Variants in SLC16A12 observed in about 807,000 individuals in gnomAD.
SLC16A12 encodes the protein monocarboxylate transporter 12.
In SLC16A12, 17 loss-of-function variants were observed where a neutral mutation model predicts 42.4. The observed-to-expected ratio is 0.40, with a 90% confidence interval of 0.27 to 0.60. SLC16A12 has a LOEUF of 0.60. Among genes scored for constraint, SLC16A12 ranks in the 20% least tolerant of loss-of-function variants. The probability of loss-of-function intolerance (pLI) is 0.42; values close to 1 mark genes in which losing one functional copy is unlikely to be tolerated. For synonymous variants in SLC16A12, 224 were observed against 229.4 expected (o/e 0.98, Z 0.21); for missense variants, 544 against 623.0 (o/e 0.87, Z 1.35).
Position 89,517,623 on chromosome 10 carries a change from A to G in SLC16A12, c.-47+16878T>C, listed in dbSNP as rs1843276164. Among the ~76,000 whole-genome samples the G allele has an allele frequency of 2.0e-5, 3 of 152,094 alleles. No homozygotes were observed. The South Asian group carries it at 6.2e-4, about 32-fold the overall frequency. On this transcript the variant is annotated intron_variant, in intron 2 of 7. Coordinates refer to ENST00000371790, the MANE Select transcript of SLC16A12 (RefSeq NM_213606.4). ...ATTGCACCTGGCTCCAACTTTATTG[A>G]ATAGAGGAATGTCATTACTTTTTAA...
At chr10:89,537,145 GTTTTTTTT>G (rs376769096), upstream of SLC16A12, among the ~76,000 whole-genome samples, 1 of 105,648 alleles carries the variant, frequency 9.5e-6, no homozygotes, top group South Asian at 3.4e-4. Context: ...CCGTAGGTAT[GTTTTTTTT>G]TTTTTTTTTT....
At chr10:89,488,733 CT>C (rs1302740277) in intron 2 of SLC16A12, among the ~76,000 whole-genome samples, 1 of 152,212 alleles carries the variant, frequency 6.6e-6, no homozygotes, top group Non-Finnish European at 1.5e-5. Context: ...GGACCAACCC[CT>C]AACCTTGTAA....
intron 2 of SLC16A12, among the ~76,000 whole-genome samples, chr10:89,498,589 A>G (rs116456589): frequency 1.2e-3 from 190 of 152,294 alleles, no homozygotes; most frequent in African/African-American, 4.3e-3. Flanking sequence ...ATGATCAGAG[A>G]GTTTTTGCAG....
At chr10:89,542,812 T>A (rs1416508979) in intron 2 of SLC16A12, among the ~76,000 whole-genome samples, 1 of 152,210 alleles carries the variant, frequency 6.6e-6, no homozygotes, top group African/African-American at 2.4e-5. Context: ...ATTTACTTCA[T>A]CGAAATGGGA....
At chr10:89,526,246 T>C (rs1173222516) in intron 2 of SLC16A12, among the ~76,000 whole-genome samples, 1 of 151,980 alleles carries the variant, frequency 6.6e-6, no homozygotes, top group East Asian at 1.9e-4. Flanking sequence ...TTAACCAAAA[T>C]GCACATTTGG....
intron 3 of SLC16A12, among the ~76,000 whole-genome samples, chr10:89,459,086 G>A (rs1564575553): frequency 6.6e-6 from 1 of 152,156 alleles, no homozygotes; most frequent in East Asian, 1.9e-4. Context: ...TTTTCCTATG[G>A]AAGAATTTTG....
chr10:89,500,755 C>T (rs543665546), intron 2 of SLC16A12, among the ~76,000 whole-genome samples: 1 of 152,278 alleles, frequency 6.6e-6, no homozygotes, highest in South Asian at 2.1e-4. Flanking sequence ...CCACTCTCAC[C>T]ACTCCTCTTC....
At chr10:89,456,801 G>A (rs1386539315) in intron 3 of SLC16A12, among the ~76,000 whole-genome samples, 2 of 152,110 alleles carry the variant, frequency 1.3e-5, no homozygotes, top group African/African-American at 2.4e-5. Flanking sequence ...AACACAGAGT[G>A]TTTGGTTTTC....
chr10:89,531,353 AC>A (rs1306504989), intron 2 of SLC16A12, among the ~76,000 whole-genome samples: 1 of 152,136 alleles, frequency 6.6e-6, no homozygotes, highest in Non-Finnish European at 1.5e-5. Flanking sequence ...GAGTCGAAAT[AC>A]ACCACTGCAC....
chr10:89,509,083 T>C (rs1292313767), intron 2 of SLC16A12, among the ~76,000 whole-genome samples: 1 of 152,120 alleles, frequency 6.6e-6, no homozygotes, highest in Non-Finnish European at 1.5e-5. Context: ...TAACAGGCTC[T>C]GAAATTAAGG....
At chr10:89,462,023 T>C (rs974582497) in intron 3 of SLC16A12, among the ~76,000 whole-genome samples, 1 of 152,210 alleles carries the variant, frequency 6.6e-6, no homozygotes, top group African/African-American at 2.4e-5. Context: ...AGTCACAGCA[T>C]TGGCCTACAA....
chr10:89,442,322 G>C (rs1055134350), intron 4 of SLC16A12, among the ~76,000 whole-genome samples: 2 of 152,182 alleles, frequency 1.3e-5, no homozygotes, highest in African/African-American at 4.8e-5. Flanking sequence ...TATGGTAATT[G>C]TGTACAACAG....
intron 2 of SLC16A12, among the ~76,000 whole-genome samples, chr10:89,523,405 T>C (rs1843393889): frequency 6.6e-6 from 1 of 152,196 alleles, no homozygotes; most frequent in African/African-American, 2.4e-5. Context: ...CAGGCTGTTT[T>C]TGACATTATC....
intron 2 of SLC16A12, among the ~76,000 whole-genome samples, chr10:89,522,679 A>C (rs1466307140): frequency 6.6e-6 from 1 of 152,222 alleles, no homozygotes; most frequent in East Asian, 1.9e-4. Context: ...TCAGCAGTAC[A>C]GCATGATGGT....
intron 2 of SLC16A12, among the ~76,000 whole-genome samples, chr10:89,528,644 T>C (rs945795217): frequency 6.6e-6 from 1 of 152,232 alleles, no homozygotes; most frequent in African/African-American, 2.4e-5. Context: ...ATGTTAAGAA[T>C]ATACCACACA....
chr10:89,453,473 A>G (rs1225147290), intron 3 of SLC16A12, among the ~76,000 whole-genome samples: 1 of 152,214 alleles, frequency 6.6e-6, no homozygotes, highest in African/African-American at 2.4e-5. Flanking sequence ...ACTTCATAAG[A>G]TTATAATATC....
chr10:89,476,390 A>G (rs1842580947), intron 2 of SLC16A12, among the ~76,000 whole-genome samples: 1 of 152,184 alleles, frequency 6.6e-6, no homozygotes, highest in Non-Finnish European at 1.5e-5. Flanking sequence ...TCAGCTAGAA[A>G]TTAACCCCTC....
intron 3 of SLC16A12, among the ~76,000 whole-genome samples, chr10:89,460,878 T>C (rs886125102): frequency 1.3e-5 from 2 of 151,944 alleles, no homozygotes; most frequent in African/African-American, 4.8e-5. Context: ...TCACTCAGCA[T>C]CAATTATATT....
At chr10:89,517,142 T>C (rs1843266560) in intron 2 of SLC16A12, among the ~76,000 whole-genome samples, 1 of 152,280 alleles carries the variant, frequency 6.6e-6, no homozygotes, top group African/African-American at 2.4e-5. Flanking sequence ...GGAGGATCCC[T>C]TGAGCCCAGG....
Sources: gnomAD v4.1 joint callset for allele counts (sites outside exome capture counted in the v4.1 genomes callset) on GRCh38, gnomAD v4.1.1 for gene constraint, MANE v1.5 for transcripts, NCBI Gene and HGNC (gene_info 2026-07-23, HGNC 2026-07-21) for gene names.